The following TIPARP variants were observed in gnomAD, a reference collection of about 807,000 sequenced individuals.
TIPARP encodes the protein TCDD inducible poly(ADP-ribose) polymerase, also known as protein mono-ADP-ribosyltransferase TIPARP.
In TIPARP, 12 loss-of-function variants were observed where a neutral mutation model predicts 56.5. That is an observed-to-expected ratio of 0.21 (90% CI 0.14 to 0.34). The LOEUF (loss-of-function observed/expected upper bound fraction) is 0.34. TIPARP is among the 10% of genes least tolerant of loss of function. TIPARP has a pLI of 1.00. For missense variants in TIPARP, 604 were observed against 781.6 expected, an observed-to-expected ratio of 0.77 and a Z score of 2.71; for synonymous variants, 296 against 265.7, an observed-to-expected ratio of 1.11 and a Z score of -1.11.
chr3:156,706,019 G>A lies in TIPARP; in HGVS notation c.*888G>A, dbSNP rs959834166. ...TTTAGAAAAAGGAAGTACATCTATAGCCAAATTGATAAGGTTATTACTGTG... is the reference window on the plus strand; with the variant it reads ...TTTAGAAAAAGGAAGTACATCTATAACCAAATTGATAAGGTTATTACTGTG... On this transcript the variant is annotated 3_prime_UTR_variant, in exon 6 of 6. Coordinates refer to ENST00000295924, the MANE Select transcript of TIPARP (RefSeq NM_015508.5). 4 of 152,608 alleles carry A rather than the reference G, an allele frequency of 2.6e-5. No homozygotes were observed. Among genetic ancestry groups the A allele is most frequent in the African/African-American group, 7.2e-5 (3 of 41,440 alleles). The allele number at this position is 152,608 out of a possible 1,614,324, so 9.5% of individuals were successfully genotyped here. A position where few individuals can be genotyped will look rare whatever the true frequency, so the allele number is the denominator to read the frequency against.
At chr3:156,697,333 A>G (rs1331800628) in intron 4 of TIPARP, among the ~76,000 whole-genome samples, 1 of 152,068 alleles carries the variant, frequency 6.6e-6, no homozygotes, top group Non-Finnish European at 1.5e-5. Context: ...GAGGGTAAGA[A>G]TGCAAGTTCT....
At position 156,677,770 on chromosome 3, in the gene TIPARP, T is replaced by C; in HGVS notation, c.73T>C (p.Cys25Arg). The C allele has an allele frequency of 6.2e-7, 1 of 1,614,058 alleles. No individual in the cohort carries two copies. Among genetic ancestry groups the C allele is most frequent in the Non-Finnish European group, 8.5e-7 (1 of 1,179,992 alleles). Residue 25 changes from cysteine (C) to arginine (R), a missense_variant, in exon 2 of 6, where the codon TGC (cysteine) becomes CGC (arginine). Cys to Arg is a radical substitution (Grantham distance 180, BLOSUM62 -3). Around this residue, in one of 4 missense-constraint regions of TIPARP, gnomAD observed 261 missense variants for 279.2 expected, o/e 0.93. Coordinates refer to ENST00000295924, the MANE Select transcript of TIPARP (RefSeq NM_015508.5). ...QPPSPPDDFSCQMRLSEKITP... is the reference protein window; with the variant it reads ...QPPSPPDDFSRQMRLSEKITP... The stretch of plus-strand genomic sequence containing the variant: ...TCCCTCTCCTCCTGATGACTTTTCA[T>C]GCCAAATGAGACTCTCTGAGAAGAT...
In TIPARP at chr3:156,695,840, TTTTGTTC is replaced by T; in HGVS notation, c.1087-23_1087-17del. Reference sequence around the variant, plus strand: ...TATTAACTTTCCTTTTTTTTTTTTTTTTTGTTCTGTTTTCTCCTCCATAGTCTGTCAT... The same window carrying T: ...TATTAACTTTCCTTTTTTTTTTTTTTTGTTTTCTCCTCCATAGTCTGTCAT... On this transcript the variant is annotated intron_variant, in intron 3 of 5. Transcript: ENST00000295924. 7.3e-7 allele frequency: 1 copy of T among 1,368,806 alleles called. No homozygotes were observed. 84.8% of individuals were successfully genotyped at this position (1,368,806 alleles called of 1,614,324 possible). A position where few individuals can be genotyped will look rare whatever the true frequency, so the allele number is the denominator to read the frequency against.
intron 5 of TIPARP, 120 bp from the exon 6 acceptor site, chr3:156,704,564 G>C: frequency 1.0e-6 from 1 of 985,530 alleles, no homozygotes; most frequent in East Asian, 2.5e-5. Flanking sequence ...GATCTTTGAT[G>C]GCATTTTGCC....
At chr3:156,676,311 A>G (rs1016108072) in intron 1 of TIPARP, among the ~76,000 whole-genome samples, 4 of 152,200 alleles carry the variant, frequency 2.6e-5, no homozygotes, top group Admixed American at 1.3e-4. Context: ...TGTACTTATC[A>G]TGTAAATTTA....
At chr3:156,679,728 A>C (rs1436892457) in intron 2 of TIPARP, among the ~76,000 whole-genome samples, 1 of 152,196 alleles carries the variant, frequency 6.6e-6, no homozygotes, top group Non-Finnish European at 1.5e-5. Context: ...ACCATCCCAG[A>C]AGTCCAAGAG....
intron 4 of TIPARP, among the ~76,000 whole-genome samples, chr3:156,700,723 A>G (rs1722826033): frequency 6.6e-6 from 1 of 152,170 alleles, no homozygotes; most frequent in African/African-American, 2.4e-5. Context: ...AGTTTCTTTA[A>G]TCCCCCCTGA....
Position 156,677,656 on chromosome 3 carries a change from G to C in TIPARP, c.-41-1G>C, listed in dbSNP as rs760361253. 3 of 1,505,684 alleles carry C rather than the reference G, an allele frequency of 2.0e-6. No homozygotes were observed. Among genetic ancestry groups the C allele is most frequent in the Admixed American group, 2.3e-5 (1 of 43,326 alleles). The allele number at this position is 1,505,684 out of a possible 1,614,324, so 93.3% of individuals were successfully genotyped here. On this transcript the variant is annotated splice_acceptor_variant, in intron 1 of 5. Transcript: ENST00000295924. LOFTEE classifies it low-confidence loss of function (5UTR_SPLICE). ...GATCATCTTCCTTCCTTTCCTCGTA[G>C]GATTTTTAGACTCTGAGGAGCAGTT... is the stretch of plus-strand genomic sequence containing the variant.
chr3:156,681,325 G>A, intron 2 of TIPARP: 1 of 364,086 alleles, frequency 2.7e-6, no homozygotes, highest in Non-Finnish European at 5.6e-6. Flanking sequence ...GTTGGAACCA[G>A]CAGTCTTTGG....
At chr3:156,700,105 A>G (rs961417265) in intron 4 of TIPARP, among the ~76,000 whole-genome samples, 1 of 151,476 alleles carries the variant, frequency 6.6e-6, no homozygotes, top group African/African-American at 2.4e-5. Flanking sequence ...TATTTTTTAT[A>G]TTTTTTAAAA....
At chr3:156,701,311 C>A (rs960098190) in intron 4 of TIPARP, among the ~76,000 whole-genome samples, 1 of 152,154 alleles carries the variant, frequency 6.6e-6, no homozygotes, top group African/African-American at 2.4e-5. Context: ...GTAGTGATAT[C>A]AGAAAGAAAA....
chr3:156,693,471 C>T (rs1722629735), intron 2 of TIPARP, among the ~76,000 whole-genome samples: 1 of 152,052 alleles, frequency 6.6e-6, no homozygotes, highest in African/African-American at 2.4e-5. Context: ...CATTTTTCAA[C>T]CCACAGGATA....
At chr3:156,675,339 C>T (rs1467290081) in intron 1 of TIPARP, 1 of 152,500 alleles carries the variant, frequency 6.6e-6, no homozygotes, top group East Asian at 1.9e-4. Flanking sequence ...TTCCCCCGCG[C>T]TTCGCGGCTC....
chr3:156,692,436 C>T (rs1438126748), intron 2 of TIPARP, among the ~76,000 whole-genome samples: 1 of 152,008 alleles, frequency 6.6e-6, no homozygotes, highest in African/African-American at 2.4e-5. Flanking sequence ...TACCATAAAT[C>T]ATTTTAAAAC....
chr3:156,699,739 G>A (rs1722800287), intron 4 of TIPARP, among the ~76,000 whole-genome samples: 1 of 152,056 alleles, frequency 6.6e-6, no homozygotes, highest in Non-Finnish European at 1.5e-5. Flanking sequence ...AACAAAAATA[G>A]TTACTCTTTA....
At position 156,695,855 on chromosome 3, in the gene TIPARP, TCCTCCATAG is replaced by T; in HGVS notation, c.1087-9_1087-1del. 2 of 1,519,168 alleles carry T rather than the reference TCCTCCATAG, an allele frequency of 1.3e-6. No individual in the cohort carries two copies. Among genetic ancestry groups the T allele is most frequent in the African/African-American group, 1.5e-5 (1 of 68,916 alleles). 94.1% of individuals were successfully genotyped at this position (1,519,168 alleles called of 1,614,324 possible). On this transcript the variant is annotated splice_acceptor_variant and splice_polypyrimidine_tract_variant and intron_variant, in intron 3 of 5. Coordinates refer to ENST00000295924, the MANE Select transcript of TIPARP (RefSeq NM_015508.5). LOFTEE classifies it high-confidence loss of function. Reference sequence around the variant, plus strand: ...TTTTTTTTTTTTTTGTTCTGTTTTCTCCTCCATAGTCTGTCATTCGATTGATTGAAGAAG... The same window carrying T: ...TTTTTTTTTTTTTTGTTCTGTTTTCTTCTGTCATTCGATTGATTGAAGAAG...
chr3:156,683,638 A>G (rs767714720), intron 2 of TIPARP, among the ~76,000 whole-genome samples: 6 of 152,166 alleles, frequency 3.9e-5, no homozygotes, highest in Non-Finnish European at 8.8e-5. Context: ...CTATTATACT[A>G]GAATTATCCT....
At chr3:156,700,369 C>T (rs1722818732) in intron 4 of TIPARP, among the ~76,000 whole-genome samples, 1 of 151,842 alleles carries the variant, frequency 6.6e-6, no homozygotes, top group African/African-American at 2.4e-5. Flanking sequence ...CCTCCTGCCT[C>T]AGCCTCCCAA....
intron 2 of TIPARP, among the ~76,000 whole-genome samples, chr3:156,682,602 A>G (rs1199054639): frequency 6.6e-6 from 1 of 152,244 alleles, no homozygotes; most frequent in African/African-American, 2.4e-5. Flanking sequence ...TAGCTAAACT[A>G]GAGCAAGCTC....
Sources: allele counts gnomAD v4.1 joint callset (sites outside exome capture counted in the v4.1 genomes callset), GRCh38; gene constraint gnomAD v4.1.1; regional missense constraint gnomAD v4.1.1; transcripts MANE v1.5; gene names NCBI Gene and HGNC (gene_info 2026-07-23, HGNC 2026-07-21).